NECAB2: variants seen among roughly 807,000 people sequenced by gnomAD.
The protein encoded by NECAB2 is N-terminal EF-hand calcium binding protein 2, also known as N-terminal EF-hand calcium-binding protein 2.
A neutral mutation model predicts 51.9 loss-of-function variants in NECAB2; 68 were observed. That is an observed-to-expected ratio of 1.31 (90% CI 1.08 to 1.60). The LOEUF (loss-of-function observed/expected upper bound fraction) is 1.60, where lower values mean the gene tolerates loss of function less well. NECAB2 is among the 40% of genes most tolerant of loss of function. The pLI, the probability that NECAB2 is intolerant of heterozygous loss-of-function variation, is 0.00. For synonymous variants in NECAB2, 329 were observed against 203.5 expected (o/e 1.62, Z -5.25); for missense variants, 854 against 490.3 (o/e 1.74, Z -7.00).
Position 83,994,389 on chromosome 16 carries a change from G to C in NECAB2, c.684G>C (p.Met228Ile), listed in dbSNP as rs780604231. 2.5e-6 allele frequency: 4 copies of C among 1,614,172 alleles called. No homozygotes were observed. The East Asian group carries it at 6.7e-5, about 27-fold the overall frequency. The change falls in exon 7 of 13, where the codon ATG becomes ATC. Residue 228 changes from methionine (M) to isoleucine (I), a missense_variant. By Grantham distance (10) the Met-to-Ile change is conservative (BLOSUM62 1). Transcript: ENST00000305202. ...CCTCTGCCCCCAACCACAAGCTCAT[G>C]GCTATGGAACAAGGCAAGACCCTTC... The part of the protein sequence containing the change: ...TPASAPNHKL[M>I]AMEQGKTLPS...
At chr16:83,998,120 G>T in intron 9 of NECAB2, 85 bp from the exon 10 acceptor site, 1 of 1,191,008 alleles carries the variant, frequency 8.4e-7, no homozygotes. Context: ...TTTGACCGAG[G>T]AAGGGAGGTC....
intron 6 of NECAB2, among the ~76,000 whole-genome samples, chr16:83,991,036 C>T (rs75346025): frequency 0.019 from 2,834 of 152,218 alleles, 85 homozygotes; most frequent in African/African-American, 0.064. Context: ...CCCAGGAGTG[C>T]AGTGGCGTGA....
intron 6 of NECAB2, among the ~76,000 whole-genome samples, chr16:83,992,760 T>C (rs2084642782): frequency 6.6e-6 from 1 of 152,184 alleles, no homozygotes; most frequent in Non-Finnish European, 1.5e-5. Context: ...CCATACTCAC[T>C]GGCTAGAATC....
Position 84,002,439 on chromosome 16 carries a change from G to A in NECAB2, c.*93G>A, listed in dbSNP as rs961145761. 2.4e-5 allele frequency: 35 copies of A among 1,483,874 alleles called. No homozygotes were observed. In the African/African-American group the frequency reaches 4.9e-4, roughly 21 times the overall value. 91.9% of individuals were successfully genotyped at this position (1,483,874 alleles called of 1,614,324 possible). A position where few individuals can be genotyped will look rare whatever the true frequency, so the allele number is the denominator to read the frequency against. On this transcript the variant is annotated 3_prime_UTR_variant, in exon 13 of 13. Transcript: ENST00000305202. ...TCTAGACAGACACTTTGGTGCAGAAGCTTCTTTTCAATCCATCCTCCACAA... is the reference window on the plus strand; with the variant it reads ...TCTAGACAGACACTTTGGTGCAGAAACTTCTTTTCAATCCATCCTCCACAA...
intron 1 of NECAB2, 139 bp from the exon 2 acceptor site, chr16:83,972,012 G>A: frequency 8.8e-7 from 1 of 1,130,130 alleles, no homozygotes. Flanking sequence ...CGGGGAGGGG[G>A]AGAGGGAAGG....
chr16:83,994,514 T>C, intron 7 of NECAB2, 94 bp downstream of exon 7: 2 of 1,595,922 alleles, frequency 1.3e-6, no homozygotes, highest in Non-Finnish European at 1.7e-6. Flanking sequence ...ATGAGCAAGT[T>C]TGATGCCCCT....
upstream of NECAB2, chr16:83,965,596 C>G: frequency 3.7e-6 from 6 of 1,613,084 alleles, no homozygotes; most frequent in East Asian, 4.5e-5. Context: ...ACAAGGTGCA[C>G]CAGATGATGC....
rs1325100529 is a variant in NECAB2 at position 83,998,290 on chromosome 16, G to A, written c.935G>A (p.Gly312Glu). 3.1e-6 allele frequency: 5 copies of A among 1,613,410 alleles called. No homozygotes were observed. Among genetic ancestry groups the A allele is most frequent in the Middle Eastern group, 1.6e-4 (1 of 6,084 alleles). Residue 312 changes from glycine to glutamate, a missense_variant, in exon 10 of 13, where the codon GGG becomes GAG. Transcript: ENST00000305202. ...FLDSLRQYLRGTTGVRNCFHI... is the reference protein window; with the variant it reads ...FLDSLRQYLRETTGVRNCFHI... ...GACTCTCTGCGCCAGTATCTGCGGG[G>A]GACCACTGGCGTGAGGAACTGCTTC...
intron 10 of NECAB2, among the ~76,000 whole-genome samples, chr16:83,999,436 G>A (rs1021177737): frequency 1.3e-5 from 2 of 152,134 alleles, no homozygotes; most frequent in East Asian, 1.9e-4. Context: ...CTGGTTTGTC[G>A]AGTTGGAGAC....
At chr16:83,997,169 G>A (rs200664881) in intron 8 of NECAB2, 47 bp from the exon 9 acceptor site, 139 of 1,612,066 alleles carry the variant, frequency 8.6e-5, no homozygotes, top group Admixed American at 1.8e-4. Context: ...TCCCCGGGGC[G>A]GAGTGGGGCT....
At position 83,994,641 on chromosome 16, in the gene NECAB2, G is replaced by A; in HGVS notation, c.748G>A (p.Ala250Thr). The change falls in exon 8 of 13, where the codon GCC becomes ACC. Residue 250 changes from alanine to threonine, a missense_variant. By Grantham distance (58) the Ala-to-Thr change is moderately conservative. Transcript: ENST00000305202. ...TEDAKEEGLE[A>T]QISRLAELIG... ...GGATGCAAAGGAAGAGGGTCTGGAA[G>A]CCCAGATCAGCCGCTTGGCAGAGCT... 1 of 1,614,176 alleles carries A rather than the reference G, an allele frequency of 6.2e-7. No homozygotes were observed.
At chr16:83,981,415 C>A (rs1016450722) in intron 5 of NECAB2, among the ~76,000 whole-genome samples, 1 of 151,240 alleles carries the variant, frequency 6.6e-6, no homozygotes, top group Admixed American at 6.6e-5. Context: ...CTTAAGGGGT[C>A]CCCAGACAGG....
intron 6 of NECAB2, 84 bp from the exon 7 acceptor site, chr16:83,994,218 A>G: frequency 7.9e-7 from 1 of 1,259,900 alleles, no homozygotes; most frequent in Non-Finnish European, 1.2e-6. Flanking sequence ...GTCTTGCGTA[A>G]TAAATGCCTG....
In NECAB2 at chr16:83,998,540, G is replaced by C. The variant is rs58012614; in HGVS notation, c.962+223G>C. Among the ~76,000 whole-genome samples the C allele has an allele frequency of 8.9e-3, 1,361 of 152,290 alleles. 15 individuals carry two copies. The highest frequency in any genetic ancestry group is 0.03 in the African/African-American group (1,256 of 41,556). On this transcript the variant is annotated intron_variant, in intron 10 of 12. Coordinates refer to ENST00000305202, the MANE Select transcript of NECAB2 (RefSeq NM_019065.3). ...CTCCCTGGCATCAGCTTACTCATCT[G>C]TAAAGGGGGGACCACCCCCAGGACT...
At chr16:83,996,386 C>T (rs1220040124) in intron 8 of NECAB2, among the ~76,000 whole-genome samples, 1 of 152,150 alleles carries the variant, frequency 6.6e-6, no homozygotes, top group African/African-American at 2.4e-5. Context: ...GTGCAAGGTC[C>T]CTTGCTCAAA....
At chr16:83,972,256 C>A in intron 2 of NECAB2, 81 bp downstream of exon 2, 1 of 1,595,096 alleles carries the variant, frequency 6.3e-7, no homozygotes, top group Non-Finnish European at 8.6e-7. Context: ...GGATAGGAGA[C>A]AAGCGCAACC....
chr16:84,001,687 ACAAAGGCTCT>A, intron 11 of NECAB2, 128 bp from the exon 12 acceptor site: 1 of 860,232 alleles, frequency 1.2e-6, no homozygotes, highest in South Asian at 1.7e-5. Context: ...TCACCTTCCC[ACAAAGGCTCT>A]GAGTCCAAAG....
chr16:83,977,082 G>A (rs183101037), intron 2 of NECAB2, among the ~76,000 whole-genome samples: 51 of 152,308 alleles, frequency 3.3e-4, no homozygotes, highest in African/African-American at 1.2e-3. Context: ...TCATCCTCTC[G>A]GCAGAGAAAG....
chr16:83,988,630 C>T (rs1048962159), intron 5 of NECAB2, among the ~76,000 whole-genome samples: 14 of 152,156 alleles, frequency 9.2e-5, no homozygotes, highest in Admixed American at 1.3e-4. Flanking sequence ...CTAATTCAAG[C>T]CCAAGTGACT....
Sources: allele counts gnomAD v4.1 joint callset (sites outside exome capture counted in the v4.1 genomes callset), GRCh38; gene constraint gnomAD v4.1.1; transcripts MANE v1.5; gene names NCBI Gene and HGNC (gene_info 2026-07-23, HGNC 2026-07-21).